The following CLYBL variants were observed in gnomAD, a reference collection of about 807,000 sequenced individuals.
CLYBL encodes citramalyl-CoA lyase, mitochondrial.
CLYBL carries 31 observed loss-of-function variants against 38.9 expected under a neutral mutation model. The observed-to-expected ratio is 0.80, with a 90% CI of 0.60 to 1.08. The LOEUF is 1.08. Among genes scored for constraint, CLYBL ranks in the 50% least tolerant of loss-of-function variants. The pLI, the probability that CLYBL is intolerant of heterozygous loss-of-function variation, is 0.00. For missense variants in CLYBL, 434 were observed against 411.6 expected, an observed-to-expected ratio of 1.05 and a Z score of -0.47; for synonymous variants, 171 against 158.6, an observed-to-expected ratio of 1.08 and a Z score of -0.59.
chr13:99,749,961 A>G (rs2048924603), intron 1 of CLYBL, among the ~76,000 whole-genome samples: 1 of 152,210 alleles, frequency 6.6e-6, no homozygotes, highest in Non-Finnish European at 1.5e-5. Context: ...GTAAATACCT[A>G]GTTATTAATA....
At chr13:99,830,004 T>A (rs2050774050) in intron 2 of CLYBL, among the ~76,000 whole-genome samples, 1 of 152,104 alleles carries the variant, frequency 6.6e-6, no homozygotes. Flanking sequence ...ACATTCTGAA[T>A]CATATGTGAT....
At chr13:99,611,777 A>G (rs1168202070) in intron 1 of CLYBL, among the ~76,000 whole-genome samples, 1 of 152,236 alleles carries the variant, frequency 6.6e-6, no homozygotes, top group Non-Finnish European at 1.5e-5. Context: ...AGTTTCTTTA[A>G]TAGACATATT....
At chr13:99,815,456 T>G (rs985961236) in intron 2 of CLYBL, among the ~76,000 whole-genome samples, 4 of 152,170 alleles carry the variant, frequency 2.6e-5, no homozygotes, top group Non-Finnish European at 5.9e-5. Flanking sequence ...TATGGTGGCA[T>G]GCACCTGCAG....
chr13:99,884,838 C>T, intron 7 of CLYBL: 1 of 398,868 alleles, frequency 2.5e-6, no homozygotes, highest in African/African-American at 2.1e-5. Flanking sequence ...CTGCACATTC[C>T]AGGTGACTTA....
At chr13:99,877,602 T>G (rs1189449479) in intron 7 of CLYBL, 2 of 320,538 alleles carry the variant, frequency 6.2e-6, no homozygotes, top group African/African-American at 2.6e-5. Flanking sequence ...TTTAAGACAG[T>G]GTCTTGCTCT....
At chr13:99,711,398 T>C (rs1169496958) in intron 1 of CLYBL, among the ~76,000 whole-genome samples, 1 of 135,576 alleles carries the variant, frequency 7.4e-6, no homozygotes, top group Non-Finnish European at 1.6e-5. Flanking sequence ...GGTGAGGGAG[T>C]CCGTCTTTTT....
chr13:99,680,251 G>A (rs1241365559), intron 1 of CLYBL, among the ~76,000 whole-genome samples: 3 of 152,090 alleles, frequency 2.0e-5, no homozygotes, highest in Non-Finnish European at 2.9e-5. Context: ...AGCACCATTT[G>A]TACTTCTCTG....
chr13:99,897,368 C>G (rs368364667), downstream of CLYBL, among the ~76,000 whole-genome samples: 4 of 152,320 alleles, frequency 2.6e-5, no homozygotes, highest in East Asian at 5.8e-4. Context: ...AACCTGTCCT[C>G]AAGATTAGGG....
At chr13:99,715,054 C>T (rs2048291500) in intron 1 of CLYBL, among the ~76,000 whole-genome samples, 1 of 152,136 alleles carries the variant, frequency 6.6e-6, no homozygotes, top group Admixed American at 6.5e-5. Flanking sequence ...GCTGGGGGCC[C>T]ACCAGCTTCA....
Position 99,887,260 on chromosome 13 carries a change from TTCAGGGGG to T in CLYBL, c.928-4054_928-4047del, listed in dbSNP as rs1313727999. Among the ~76,000 whole-genome samples, 5 of 152,208 alleles carry T rather than the reference TTCAGGGGG, an allele frequency of 3.3e-5. No homozygotes were observed. In the East Asian group the frequency reaches 9.7e-4, roughly 29 times the overall value. ...AAGTCCCCCCCGCCCATTGTTCTGATTCAGGGGGTCACAGAACACACTCAGAGAACCCT... is the reference window on the plus strand; with the variant it reads ...AAGTCCCCCCCGCCCATTGTTCTGATTCACAGAACACACTCAGAGAACCCT... On this transcript the variant is annotated intron_variant, in intron 7 of 8. Transcript: ENST00000339105.
intron 2 of CLYBL, among the ~76,000 whole-genome samples, chr13:99,774,798 A>G (rs1245556201): frequency 1.3e-5 from 2 of 152,212 alleles, no homozygotes; most frequent in African/African-American, 2.4e-5. Flanking sequence ...GGAAAATACT[A>G]TTAATCCTTC....
chr13:99,833,982 G>A (rs2050879511), intron 2 of CLYBL, among the ~76,000 whole-genome samples: 1 of 152,050 alleles, frequency 6.6e-6, no homozygotes, highest in South Asian at 2.1e-4. Context: ...TTACAGGTGT[G>A]AGTCACCATG....
At chr13:99,831,462 C>A (rs917289645) in intron 2 of CLYBL, among the ~76,000 whole-genome samples, 4 of 151,990 alleles carry the variant, frequency 2.6e-5, no homozygotes, top group Admixed American at 1.3e-4. Flanking sequence ...GGCCTAATAC[C>A]TAGGTGATGG....
chr13:99,905,752 T>C (rs933264163), intron 9 of CLYBL, among the ~76,000 whole-genome samples: 2 of 102,674 alleles, frequency 1.9e-5, no homozygotes, highest in Non-Finnish European at 4.7e-5. Context: ...ACATGTTTTG[T>C]TGTTGTTGTG....
At chr13:99,628,861 G>A (rs1314981528) in intron 1 of CLYBL, among the ~76,000 whole-genome samples, 1 of 152,224 alleles carries the variant, frequency 6.6e-6, no homozygotes, top group Non-Finnish European at 1.5e-5. Context: ...TTCTGTTTCT[G>A]CCTTTGTGGA....
intron 1 of CLYBL, among the ~76,000 whole-genome samples, chr13:99,768,196 T>TC (rs1313794138): frequency 3.6e-5 from 5 of 138,626 alleles, no homozygotes; most frequent in African/African-American, 5.3e-5. Context: ...CTTTTTCTTT[T>TC]TTTTTTTTTT....
chr13:99,802,392 A>C (rs1169021651), intron 2 of CLYBL, among the ~76,000 whole-genome samples: 1 of 152,198 alleles, frequency 6.6e-6, no homozygotes, highest in Non-Finnish European at 1.5e-5. Context: ...ATTATTGTTA[A>C]ATTTCACTCA....
chr13:99,820,838 A>T (rs1019287023), intron 2 of CLYBL, among the ~76,000 whole-genome samples: 1 of 152,158 alleles, frequency 6.6e-6, no homozygotes, highest in African/African-American at 2.4e-5. Context: ...CATTATCGTG[A>T]GCGTCCATCC....
downstream of CLYBL, among the ~76,000 whole-genome samples, chr13:99,900,214 ACCTGG>A (rs1233139514): frequency 1.3e-5 from 2 of 152,004 alleles, no homozygotes; most frequent in Non-Finnish European, 2.9e-5. Context: ...CACATGAGCC[ACCTGG>A]CCTGGCCTTC....
Sources: gnomAD v4.1 joint callset for allele counts (sites outside exome capture counted in the v4.1 genomes callset) on GRCh38, gnomAD v4.1.1 for gene constraint, MANE v1.5 for transcripts, NCBI Gene and HGNC (gene_info 2026-07-23, HGNC 2026-07-21) for gene names.